The following GPR89B variants were observed in gnomAD, a reference collection of about 807,000 sequenced individuals.
GPR89B encodes the protein golgi pH regulator B.
A neutral mutation model predicts 52.4 loss-of-function variants in GPR89B; 25 were observed. The observed-to-expected ratio is 0.48, with a 90% CI of 0.35 to 0.67. The LOEUF is 0.67. Ranked by LOEUF, GPR89B falls within the 30% of genes least tolerant of loss-of-function variation. GPR89B has a pLI of 0.01. For synonymous variants in GPR89B, 52 were observed against 151.2 expected, an observed-to-expected ratio of 0.34 and a Z score of 4.81; for missense variants, 146 against 450.2, an observed-to-expected ratio of 0.32 and a Z score of 6.11.
intron 5 of GPR89B, among the ~76,000 whole-genome samples, chr1:147,948,030 T>G (rs1173880794): frequency 2.8e-4 from 43 of 152,212 alleles, no homozygotes; most frequent in African/African-American, 8.0e-4. Flanking sequence ...CCCTGAAATT[T>G]ATAGTCTTGT....
chr1:147,970,604 G>A (rs1438844840), intron 10 of GPR89B, among the ~76,000 whole-genome samples: 23 of 133,998 alleles, frequency 1.7e-4, no homozygotes, highest in Non-Finnish European at 3.3e-4. Context: ...TTCTTATTTT[G>A]CATTCTGCTT....
chr1:147,929,077 A>C lies in GPR89B; in HGVS notation c.42+499A>C. The C allele has an allele frequency of 4.3e-6, 4 of 936,876 alleles. 1 individual carries two copies. The highest frequency in any genetic ancestry group is 3.8e-6 in the Non-Finnish European group (3 of 785,568). The allele number at this position is 936,876 out of a possible 1,614,324, so 58.0% of individuals were successfully genotyped here. On this transcript the variant is annotated intron_variant, in intron 1 of 13. Coordinates refer to ENST00000314163, the MANE Select transcript of GPR89B (RefSeq NM_016334.5). ...TTTGCTGCTTCAAAGTATCAGTATAAGGTAATACCTATGCTTGAAAGTATA... is the reference window on the plus strand; with the variant it reads ...TTTGCTGCTTCAAAGTATCAGTATACGGTAATACCTATGCTTGAAAGTATA...
chr1:148,009,723 G>A, the GPR89B span: 1 of 862,820 alleles, frequency 1.2e-6, no homozygotes, highest in South Asian at 1.7e-5. Flanking sequence ...AGTAGAAGCA[G>A]GTAGTTCCTC....
At chr1:147,991,558 C>T (rs1659069809) in intron 12 of GPR89B, among the ~76,000 whole-genome samples, 1 of 152,050 alleles carries the variant, frequency 6.6e-6, no homozygotes, top group African/African-American at 2.4e-5. Flanking sequence ...CAGTTTTTGC[C>T]CATTCAGTAT....
chr1:147,997,000 G>A (rs1378091981), downstream of GPR89B, among the ~76,000 whole-genome samples: 8 of 151,604 alleles, frequency 5.3e-5, no homozygotes, highest in Admixed American at 3.9e-4. Flanking sequence ...TATAGGATGC[G>A]GTACAAGGAT....
intron 3 of GPR89B, among the ~76,000 whole-genome samples, chr1:147,940,167 G>A (rs1205232542): frequency 6.6e-6 from 1 of 151,976 alleles, no homozygotes; most frequent in Non-Finnish European, 1.5e-5. Flanking sequence ...ACTTTGGGAG[G>A]CCAAGGCGGG....
In GPR89B at chr1:147,982,090, C is replaced by T. The variant is rs1432711166; in HGVS notation, c.910-4109C>T. ...TTATTTATTTACTGAGGTGGAGTCT[C>T]GCTCTGTCGCCCAGGCTGGAGTGCA... On this transcript the variant is annotated intron_variant, in intron 10 of 13. Transcript: ENST00000314163. 7.9e-3 allele frequency among the ~76,000 whole-genome samples: 1,202 copies of T among 151,794 alleles called. 34 individuals carry two copies. The highest frequency in any genetic ancestry group is 0.028 in the African/African-American group (1,138 of 41,220).
chr1:148,018,079 T>A, the GPR89B span, among the ~76,000 whole-genome samples: 1 of 147,774 alleles, frequency 6.8e-6, no homozygotes, highest in East Asian at 1.9e-4. Flanking sequence ...TCAAAAACAC[T>A]ATGGGAAAAC....
intron 3 of GPR89B, among the ~76,000 whole-genome samples, chr1:147,942,855 GT>G (rs1424700458): frequency 1.6e-5 from 1 of 64,310 alleles, no homozygotes; most frequent in Non-Finnish European, 3.1e-5. Flanking sequence ...TTAGGTGATG[GT>G]TGCACAACTC....
At chr1:148,007,944 G>A in the GPR89B span, among the ~76,000 whole-genome samples, 6 of 152,090 alleles carry the variant, frequency 3.9e-5, no homozygotes, top group African/African-American at 7.2e-5. Flanking sequence ...CGTCCAAGAC[G>A]GGGCAGGACA....
intron 10 of GPR89B, among the ~76,000 whole-genome samples, chr1:147,978,744 G>A (rs1265551341): frequency 6.6e-6 from 1 of 152,062 alleles, no homozygotes; most frequent in East Asian, 1.9e-4. Context: ...CTAAAGAAGC[G>A]GTCTGGCCAC....
intron 1 of GPR89B, among the ~76,000 whole-genome samples, chr1:147,936,394 T>G (rs1250667334): frequency 6.6e-5 from 10 of 152,220 alleles, no homozygotes; most frequent in Non-Finnish European, 8.8e-5. Flanking sequence ...ACTTCCATTT[T>G]TGTCTTAAAG....
intron 1 of GPR89B, among the ~76,000 whole-genome samples, chr1:147,931,033 C>T (rs1225961599): frequency 3.3e-5 from 5 of 151,988 alleles, no homozygotes; most frequent in Non-Finnish European, 7.4e-5. Context: ...AACAACACTA[C>T]CACATTGTTT....
intron 7 of GPR89B, 145 bp downstream of exon 7, chr1:147,954,547 G>GTGGC (rs1655967856): frequency 6.6e-6 from 1 of 150,616 alleles, no homozygotes; most frequent in African/African-American, 2.4e-5. Context: ...GCTGGACACA[G>GTGGC]TGGCTCACAC....
chr1:148,002,040 T>C, the GPR89B span, among the ~76,000 whole-genome samples: 12 of 143,802 alleles, frequency 8.3e-5, no homozygotes, highest in African/African-American at 2.8e-4. Flanking sequence ...AGATGCTGCT[T>C]TTTTTTTTTT....
At chr1:147,977,233 C>CAAAA (rs1191631857) in intron 10 of GPR89B, among the ~76,000 whole-genome samples, 9 of 41,324 alleles carry the variant, frequency 2.2e-4, no homozygotes, top group Admixed American at 4.3e-4. Context: ...GACTCCATCT[C>CAAAA]AAAAAAAAAA....
At chr1:147,945,945 C>G (rs1446346753) in intron 5 of GPR89B, among the ~76,000 whole-genome samples, 4 of 152,014 alleles carry the variant, frequency 2.6e-5, no homozygotes, top group Non-Finnish European at 5.9e-5. Flanking sequence ...AGGATGGTCT[C>G]GAACTCCTGA....
intron 10 of GPR89B, among the ~76,000 whole-genome samples, chr1:147,970,232 A>G (rs1157130634): frequency 6.6e-6 from 1 of 152,024 alleles, no homozygotes; most frequent in South Asian, 2.1e-4. Context: ...ATGGTGGCTC[A>G]TGCCTATAAT....
chr1:148,020,801 C>T, the GPR89B span, among the ~76,000 whole-genome samples: 2 of 152,012 alleles, frequency 1.3e-5, no homozygotes, highest in East Asian at 3.9e-4. Context: ...GATTCTCATG[C>T]CTCAGCCTCC....
Sources: allele counts gnomAD v4.1 joint callset (sites outside exome capture counted in the v4.1 genomes callset), GRCh38; gene constraint gnomAD v4.1.1; transcripts MANE v1.5; gene names NCBI Gene and HGNC (gene_info 2026-07-23, HGNC 2026-07-21).